SIPA1L1: variants seen among roughly 807,000 people sequenced by gnomAD.
SIPA1L1 encodes the protein signal induced proliferation associated 1 like 1, also known as signal-induced proliferation-associated 1-like protein 1.
In SIPA1L1, 26 loss-of-function variants were observed where a neutral mutation model predicts 162.7. The observed-to-expected ratio is 0.16, with a 90% confidence interval of 0.12 to 0.22. SIPA1L1 has a LOEUF of 0.22. SIPA1L1 is among the 10% of genes least tolerant of loss of function. The pLI, the probability that SIPA1L1 is intolerant of heterozygous loss-of-function variation, is 1.00. For missense variants in SIPA1L1, 1,874 were observed against 2,241.0 expected (o/e 0.84, Z 3.31); for synonymous variants, 829 against 837.4 (o/e 0.99, Z 0.17).
At chr14:71,734,410 G>A (rs778235054) in intron 21 of SIPA1L1, among the ~76,000 whole-genome samples, 2 of 152,174 alleles carry the variant, frequency 1.3e-5, no homozygotes, top group African/African-American at 4.8e-5. Context: ...ACATAAGATT[G>A]TCAGCTGGGG....
At chr14:71,531,351 T>C (rs2053429737) in intron 4 of SIPA1L1, among the ~76,000 whole-genome samples, 1 of 151,878 alleles carries the variant, frequency 6.6e-6, no homozygotes, top group Admixed American at 6.6e-5. Flanking sequence ...TACTTTGTAC[T>C]GGTAGCAGTA....
chr14:71,598,123 C>G (rs1359160811), intron 5 of SIPA1L1: 3 of 754,860 alleles, frequency 4.0e-6, no homozygotes, highest in Non-Finnish European at 4.8e-6. Flanking sequence ...CTCTTCCTCT[C>G]TTTTCAGGAA....
In SIPA1L1 at chr14:71,611,878, A is replaced by G. The variant is rs183354855; in HGVS notation, c.1499-6879A>G. ...GCAATAAACATATGTGTGCATGTGT[A>G]TGTCTAATGAAAATATTAAACTGAT... is the stretch of plus-strand genomic sequence containing the variant. On this transcript the variant is annotated intron_variant, in intron 5 of 23. Coordinates refer to ENST00000381232, the MANE Select transcript of SIPA1L1 (RefSeq NM_001386936.1). Among the ~76,000 whole-genome samples, 16 of 152,316 alleles carry G rather than the reference A, an allele frequency of 1.1e-4. No individual in the cohort carries two copies. In the East Asian group the frequency reaches 3.1e-3, roughly 29 times the overall value.
At chr14:71,546,187 C>A (rs1303616322) in intron 4 of SIPA1L1, among the ~76,000 whole-genome samples, 1 of 152,014 alleles carries the variant, frequency 6.6e-6, no homozygotes, top group African/African-American at 2.4e-5. Flanking sequence ...TTTTTAAGTT[C>A]ACAATGTTCA....
chr14:71,589,516 G>T, intron 5 of SIPA1L1, 146 bp downstream of exon 5: 1 of 567,894 alleles, frequency 1.8e-6, no homozygotes, highest in South Asian at 2.9e-5. Flanking sequence ...ATAACCATTT[G>T]CTCAATTTAT....
chr14:71,591,336 C>G (rs774296239), intron 5 of SIPA1L1, among the ~76,000 whole-genome samples: 2 of 151,914 alleles, frequency 1.3e-5, no homozygotes, highest in African/African-American at 2.4e-5. Flanking sequence ...TCTCATGGAG[C>G]TAGTAAATGT....
chr14:71,520,953 C>T (rs1436614117), intron 3 of SIPA1L1, among the ~76,000 whole-genome samples: 1 of 152,002 alleles, frequency 6.6e-6, no homozygotes, highest in Non-Finnish European at 1.5e-5. Flanking sequence ...GGGGTTTCGC[C>T]ATGTTGGCCA....
chr14:71,373,092 A>G (rs922993335), intron 2 of SIPA1L1, among the ~76,000 whole-genome samples: 1 of 151,762 alleles, frequency 6.6e-6, no homozygotes, highest in Admixed American at 6.6e-5. Flanking sequence ...CAGGCGGATC[A>G]TGAGGTCAGG....
chr14:71,468,367 AG>A (rs2142107509), intron 2 of SIPA1L1, among the ~76,000 whole-genome samples: 1 of 152,358 alleles, frequency 6.6e-6, no homozygotes, highest in African/African-American at 2.4e-5. Context: ...ATGCTGTACA[AG>A]CATGGTGCTG....
At chr14:71,649,383 G>A (rs1037627029) in intron 7 of SIPA1L1, among the ~76,000 whole-genome samples, 4 of 151,702 alleles carry the variant, frequency 2.6e-5, no homozygotes, top group African/African-American at 9.7e-5. Context: ...GTAGAGACAG[G>A]GTTTTGCCAT....
At chr14:71,479,994 C>T (rs181787995) in intron 2 of SIPA1L1, among the ~76,000 whole-genome samples, 14 of 152,266 alleles carry the variant, frequency 9.2e-5, no homozygotes, top group African/African-American at 3.4e-4. Flanking sequence ...CAGCCTCAGC[C>T]TCCAAAAATG....
chr14:71,650,503 A>G lies in SIPA1L1; in HGVS notation c.1987A>G (p.Thr663Ala). ...GFEKYRAQLD[T>A]KTDSTGTHSL... ...TGAGAAGTATCGAGCACAGCTTGATACCAAAAGTAAGAAATACTTACACCC... is the reference window on the plus strand; with the variant it reads ...TGAGAAGTATCGAGCACAGCTTGATGCCAAAAGTAAGAAATACTTACACCC... Residue 663 changes from threonine (T) to alanine (A), a missense_variant, in exon 8 of 24, where the codon ACC becomes GCC. By Grantham distance (58) the Thr-to-Ala change is moderately conservative. Coordinates refer to ENST00000381232, the MANE Select transcript of SIPA1L1 (RefSeq NM_001386936.1). 6.2e-7 allele frequency: 1 copy of G among 1,614,000 alleles called. No homozygotes were observed. The highest frequency in any genetic ancestry group is 8.5e-7 in the Non-Finnish European group (1 of 1,179,906).
At chr14:71,326,958 C>G (rs990208166) in intron 2 of SIPA1L1, among the ~76,000 whole-genome samples, 1 of 151,750 alleles carries the variant, frequency 6.6e-6, no homozygotes, top group Non-Finnish European at 1.5e-5. Context: ...GCGATCCTCC[C>G]GCCTTGGCCT....
At chr14:71,628,829 A>G (rs538349416) in intron 7 of SIPA1L1, among the ~76,000 whole-genome samples, 2 of 152,332 alleles carry the variant, frequency 1.3e-5, no homozygotes, top group East Asian at 1.9e-4. Context: ...GTCCATACTC[A>G]GAACAATAAG....
At chr14:71,699,170 T>G in intron 14 of SIPA1L1, 43 bp downstream of exon 14, 2 of 1,581,178 alleles carry the variant, frequency 1.3e-6, no homozygotes, top group South Asian at 2.2e-5. Flanking sequence ...CCTGTTGGCA[T>G]CATTTCTTTC....
intron 4 of SIPA1L1, among the ~76,000 whole-genome samples, chr14:71,584,726 G>C (rs1433011461): frequency 6.6e-6 from 1 of 152,222 alleles, no homozygotes; most frequent in Admixed American, 6.5e-5. Flanking sequence ...TAGTATTCTA[G>C]CTACCTGGAT....
At chr14:71,648,105 C>A (rs987129180) in intron 7 of SIPA1L1, among the ~76,000 whole-genome samples, 3 of 152,150 alleles carry the variant, frequency 2.0e-5, no homozygotes, top group African/African-American at 7.2e-5. Context: ...GCCTGACCAA[C>A]ATGGTGAAAC....
intron 2 of SIPA1L1, among the ~76,000 whole-genome samples, chr14:71,507,840 G>A (rs1433677155): frequency 1.3e-5 from 2 of 152,148 alleles, no homozygotes; most frequent in African/African-American, 4.8e-5. Flanking sequence ...CCAGCCAGAG[G>A]TCTGTGTTTT....
chr14:71,536,094 C>T (rs2053871333), intron 4 of SIPA1L1, among the ~76,000 whole-genome samples: 1 of 150,052 alleles, frequency 6.7e-6, no homozygotes, highest in Non-Finnish European at 1.5e-5. Context: ...CACTAACATT[C>T]TCTCATCCTT....
Sources: gnomAD v4.1 joint callset for allele counts (sites outside exome capture counted in the v4.1 genomes callset) on GRCh38, gnomAD v4.1.1 for gene constraint, MANE v1.5 for transcripts, NCBI Gene and HGNC (gene_info 2026-07-23, HGNC 2026-07-21) for gene names.